COL5A2: variants seen among roughly 807,000 people sequenced by gnomAD.
COL5A2 encodes the protein collagen type V alpha 2 chain.
Under a neutral mutation model 208.2 loss-of-function variants are expected in COL5A2, and 23 were observed. The observed-to-expected ratio is 0.11, with a 90% CI of 0.08 to 0.16. COL5A2 has a LOEUF of 0.16. Among genes scored for constraint, COL5A2 ranks in the 10% least tolerant of loss-of-function variants. The pLI, the probability that COL5A2 is intolerant of heterozygous loss-of-function variation, is 1.00. For missense variants in COL5A2, 1,590 were observed against 1,956.4 expected (o/e 0.81, Z 3.53); for synonymous variants, 625 against 628.5 (o/e 0.99, Z 0.08).
intron 1 of COL5A2, among the ~76,000 whole-genome samples, chr2:189,165,277 C>T (rs1234417685): frequency 6.6e-6 from 1 of 151,994 alleles, no homozygotes; most frequent in Admixed American, 6.6e-5. Flanking sequence ...TAAGCACAAA[C>T]CTGCCCAAAG....
At chr2:189,127,196 CA>C (rs368447007) in intron 1 of COL5A2, among the ~76,000 whole-genome samples, 1 of 150,796 alleles carries the variant, frequency 6.6e-6, no homozygotes, top group African/African-American at 2.4e-5. Flanking sequence ...AGAGAAGAGA[CA>C]AAAAAAAGGA....
At position 189,049,473 on chromosome 2, in the gene COL5A2, T is replaced by C. The variant is rs1477097993; in HGVS notation, c.3040-19A>G. On this transcript the variant is annotated intron_variant, in intron 43 of 53. Transcript: ENST00000374866. ...GTGTTCCCTGAAATAGAAGTATAAA[T>C]GTCAAACACTTGTGAAGAAATTGAA... 1 of 1,585,232 alleles carries C rather than the reference T, an allele frequency of 6.3e-7. No homozygotes were observed.
rs551814589 is a variant in COL5A2, at chr2:189,153,878, T to C, written c.97+25630A>G. ...CATCTGGAAATCATCCTCCATCACT[T>C]TCACTGGTAAGACGCATTTTCCTTA... On this transcript the variant is annotated intron_variant, in intron 1 of 53. Transcript: ENST00000374866. Among the ~76,000 whole-genome samples, 145 of 152,174 alleles carry C rather than the reference T, an allele frequency of 9.5e-4. 2 individuals are homozygous for C. In the South Asian group the frequency reaches 0.01, roughly 11 times the overall value.
chr2:189,274,987 T>A, the COL5A2 span, among the ~76,000 whole-genome samples: 1 of 152,160 alleles, frequency 6.6e-6, no homozygotes, highest in Non-Finnish European at 1.5e-5. Flanking sequence ...TTTCTTTACT[T>A]ATGAAATTCC....
intron 23 of COL5A2, 60 bp from the exon 24 acceptor site, chr2:189,065,117 ATAGG>A: frequency 2.7e-6 from 4 of 1,470,634 alleles, no homozygotes; most frequent in Non-Finnish European, 3.8e-6. Context: ...TATGTAATGA[ATAGG>A]TGATTTTTAT....
At chr2:189,121,736 CAAA>C (rs3084490) in intron 1 of COL5A2, among the ~76,000 whole-genome samples, 1,597 of 77,670 alleles carry the variant, frequency 0.021, 12 homozygotes, top group African/African-American at 0.065. Context: ...GACTCCGTCT[CAAA>C]AAAAAAAAAA....
chr2:189,300,404 A>G, the COL5A2 span, among the ~76,000 whole-genome samples: 1 of 152,202 alleles, frequency 6.6e-6, no homozygotes, highest in Non-Finnish European at 1.5e-5. Flanking sequence ...TTCTGTTATC[A>G]TCTATATTTT....
the COL5A2 span, among the ~76,000 whole-genome samples, chr2:189,409,988 C>A: frequency 3.3e-5 from 5 of 152,142 alleles, no homozygotes; most frequent in African/African-American, 1.2e-4. Flanking sequence ...ATGAAAGCTT[C>A]TCTCTTAGAA....
At chr2:189,302,103 T>C in the COL5A2 span, among the ~76,000 whole-genome samples, 32 of 152,172 alleles carry the variant, frequency 2.1e-4, no homozygotes, top group Non-Finnish European at 3.4e-4. Flanking sequence ...ATTTACAGTT[T>C]ACTGAAAATC....
At chr2:189,381,790 G>C in the COL5A2 span, among the ~76,000 whole-genome samples, 2 of 151,978 alleles carry the variant, frequency 1.3e-5, no homozygotes, top group African/African-American at 4.8e-5. Flanking sequence ...GCTGTAAGCT[G>C]ACATCTCAAG....
the COL5A2 span, among the ~76,000 whole-genome samples, chr2:189,279,412 AAAAC>A: frequency 1.3e-5 from 2 of 151,946 alleles, no homozygotes; most frequent in Non-Finnish European, 2.9e-5. Context: ...TATTAATAGA[AAAAC>A]AATCATTTTC....
the COL5A2 span, among the ~76,000 whole-genome samples, chr2:189,252,359 A>G: frequency 6.6e-6 from 1 of 152,228 alleles, no homozygotes; most frequent in Non-Finnish European, 1.5e-5. Flanking sequence ...CTTGGAACCA[A>G]TCCAAATGTC....
the COL5A2 span, among the ~76,000 whole-genome samples, chr2:189,368,858 G>A: frequency 6.6e-6 from 1 of 152,078 alleles, no homozygotes; most frequent in South Asian, 2.1e-4. Context: ...GTACTATATA[G>A]TTAACTCGGC....
the COL5A2 span, among the ~76,000 whole-genome samples, chr2:189,254,293 A>T: frequency 5.0e-5 from 2 of 39,690 alleles, no homozygotes; most frequent in East Asian, 2.4e-3. Context: ...GTTTATCCTG[A>T]TTGAGTCACA....
chr2:189,164,864 G>A (rs1320648422), intron 1 of COL5A2, among the ~76,000 whole-genome samples: 1 of 152,176 alleles, frequency 6.6e-6, no homozygotes, highest in African/African-American at 2.4e-5. Context: ...GCAGTCATCT[G>A]ACACAGGGCC....
chr2:189,042,844 G>A, intron 48 of COL5A2, 71 bp from the exon 49 acceptor site: 3 of 1,424,074 alleles, frequency 2.1e-6, no homozygotes, highest in Non-Finnish European at 2.9e-6. Flanking sequence ...TCAAAAATGT[G>A]CTATCATTGA....
chr2:189,434,437 T>C, the COL5A2 span, among the ~76,000 whole-genome samples: 1 of 152,158 alleles, frequency 6.6e-6, no homozygotes, highest in Non-Finnish European at 1.5e-5. Flanking sequence ...AACCCCATTG[T>C]CTCAGCCCAA....
intron 35 of COL5A2, 74 bp downstream of exon 35, chr2:189,056,899 A>T: frequency 7.1e-7 from 1 of 1,399,672 alleles, no homozygotes; most frequent in Non-Finnish European, 1.0e-6. Flanking sequence ...TTTATTTTGG[A>T]AGGTTCAGGG....
chr2:189,076,666 A>G (rs1011628362), intron 16 of COL5A2, among the ~76,000 whole-genome samples: 7 of 152,178 alleles, frequency 4.6e-5, no homozygotes, highest in African/African-American at 1.4e-4. Context: ...ATGCAAGACT[A>G]TGAGAGCTCT....
Sources: gnomAD v4.1 joint callset for allele counts (sites outside exome capture counted in the v4.1 genomes callset) on GRCh38, gnomAD v4.1.1 for gene constraint, MANE v1.5 for transcripts, NCBI Gene and HGNC (gene_info 2026-07-23, HGNC 2026-07-21) for gene names.